PHEX: variants seen among roughly 807,000 people sequenced by gnomAD.
PHEX encodes phosphate regulating endopeptidase X-linked.
A neutral mutation model predicts 68.0 loss-of-function variants in PHEX; 16 were observed. The ratio of observed to expected loss-of-function variants is 0.24; its 90% CI spans 0.16 to 0.36. The LOEUF (loss-of-function observed/expected upper bound fraction) is 0.36. Among genes scored for constraint, PHEX ranks in the 10% least tolerant of loss-of-function variants. The pLI, the probability that PHEX is intolerant of heterozygous loss-of-function variation, is 1.00. For synonymous variants in PHEX, 208 were observed against 205.1 expected (o/e 1.01, Z -0.12); for missense variants, 480 against 575.5 (o/e 0.83, Z 1.70).
intron 9 of PHEX, among the ~76,000 whole-genome samples, chrX:22,107,211 G>A (rs1930738166): frequency 8.9e-6 from 1 of 112,027 alleles, no homozygotes; most frequent in Admixed American, 9.5e-5. Flanking sequence ...CAGGGGAGCT[G>A]GAAGGGCCCC....
intron 11 of PHEX, among the ~76,000 whole-genome samples, chrX:22,122,289 G>C (rs981099127): frequency 4.5e-5 from 5 of 110,884 alleles, no homozygotes; most frequent in Non-Finnish European, 9.4e-5. Context: ...ATTCTCTTTG[G>C]CTACTAAATG....
At chrX:22,242,020 A>T (rs1254365148) in intron 20 of PHEX, among the ~76,000 whole-genome samples, 1 of 111,888 alleles carries the variant, frequency 8.9e-6, no homozygotes, top group Non-Finnish European at 1.9e-5. Context: ...TCAAGGCAAA[A>T]ATCCTCAGTA....
intron 20 of PHEX, among the ~76,000 whole-genome samples, chrX:22,241,804 T>C (rs1936207928): frequency 9.0e-6 from 1 of 111,153 alleles, no homozygotes; most frequent in South Asian, 3.8e-4. Flanking sequence ...CAAAAAAAAG[T>C]TGTTGAGGAC....
At chrX:22,110,829 G>A (rs1258560899) in intron 9 of PHEX, among the ~76,000 whole-genome samples, 1 of 112,402 alleles carries the variant, frequency 8.9e-6, no homozygotes, top group Non-Finnish European at 1.9e-5. Flanking sequence ...TGCAGGTGCT[G>A]GAGCCTATCT....
chrX:22,052,901 G>C (rs971840939), intron 3 of PHEX, among the ~76,000 whole-genome samples: 1 of 110,764 alleles, frequency 9.0e-6, no homozygotes, highest in African/African-American at 3.3e-5. Flanking sequence ...CCATTATCCA[G>C]TTAACCTACA....
intron 12 of PHEX, among the ~76,000 whole-genome samples, chrX:22,149,724 A>C (rs1000002506): frequency 1.8e-5 from 2 of 113,022 alleles, no homozygotes; most frequent in African/African-American, 6.4e-5. Context: ...ATTGCACTCC[A>C]GCCTGGGCGA....
chrX:22,194,742 C>T (rs959084797), intron 15 of PHEX, among the ~76,000 whole-genome samples: 3 of 111,910 alleles, frequency 2.7e-5, no homozygotes, highest in African/African-American at 9.7e-5. Context: ...GATTTGTGGC[C>T]ATCTTTCAAT....
At chrX:22,046,819 G>C (rs748696296) in intron 2 of PHEX, among the ~76,000 whole-genome samples, 2 of 110,771 alleles carry the variant, frequency 1.8e-5, no homozygotes, top group African/African-American at 6.6e-5. Context: ...CACCTGCCTC[G>C]GCCTCCTAAA....
At chrX:22,161,313 C>T (rs966675486) in intron 12 of PHEX, among the ~76,000 whole-genome samples, 3 of 112,070 alleles carry the variant, frequency 2.7e-5, no homozygotes, top group African/African-American at 6.5e-5. Flanking sequence ...GTGATCCCAG[C>T]TACTTGGTAG....
chrX:22,243,728 T>A (rs960208649), intron 20 of PHEX, among the ~76,000 whole-genome samples: 1 of 112,246 alleles, frequency 8.9e-6, no homozygotes, highest in Non-Finnish European at 1.9e-5. Flanking sequence ...AAAACCACTA[T>A]GAGATACCAT....
intron 9 of PHEX, among the ~76,000 whole-genome samples, chrX:22,104,021 C>T (rs1930551601): frequency 1.8e-5 from 2 of 111,934 alleles, no homozygotes; most frequent in Non-Finnish European, 3.8e-5. Flanking sequence ...GGTGGTATCT[C>T]ATTGTGGTTT....
chrX:22,187,381 C>T, intron 14 of PHEX, among the ~76,000 whole-genome samples: 1 of 111,714 alleles, frequency 9.0e-6, no homozygotes, highest in South Asian at 3.7e-4. Context: ...GCCCATTGCC[C>T]CTACATCTTA....
At chrX:22,121,281 G>A (rs924409918) in intron 11 of PHEX, among the ~76,000 whole-genome samples, 2 of 112,033 alleles carry the variant, frequency 1.8e-5, no homozygotes, top group East Asian at 5.6e-4. Context: ...GAGAATGAGG[G>A]GGTCAGTGGA....
chrX:22,071,440 A>G (rs772483973), intron 3 of PHEX, among the ~76,000 whole-genome samples: 59 of 111,708 alleles, frequency 5.3e-4, no homozygotes, highest in Non-Finnish European at 9.8e-4. Context: ...CAATTGGATG[A>G]AAGTCTCTCT....
At chrX:22,231,743 AAGGGTTTTTTGT>A (rs1232746357) in intron 20 of PHEX, among the ~76,000 whole-genome samples, 1 of 111,034 alleles carries the variant, frequency 9.0e-6, no homozygotes, top group Non-Finnish European at 1.9e-5. Context: ...TGATTTTTTG[AAGGGTTTTTTGT>A]GTCTCTATCT....
At chrX:22,227,360 C>G (rs146759532) in intron 19 of PHEX, 147 bp from the exon 20 acceptor site, 15 of 503,353 alleles carry the variant, frequency 3.0e-5, no homozygotes, top group South Asian at 2.8e-4. Context: ...TGGTAAGCAA[C>G]AGGACATGGA....
chrX:22,156,913 C>A (rs932949342), intron 12 of PHEX, among the ~76,000 whole-genome samples: 4 of 110,282 alleles, frequency 3.6e-5, no homozygotes, highest in Non-Finnish European at 7.6e-5. Flanking sequence ...GACAGGGTCT[C>A]ACTCTGTTGC....
At position 22,087,537 on chromosome X, in the gene PHEX, G is replaced by T. The variant is rs144136448; in HGVS notation, c.664-2892G>T. Among the ~76,000 whole-genome samples, 660 of 111,378 alleles carry T rather than the reference G, an allele frequency of 5.9e-3. 3 individuals carry two copies. The highest frequency in any genetic ancestry group is 0.02 in the African/African-American group (617 of 30,678). ...TCATAATATCACTAATTCTTAACGT[G>T]GCCTTTGTAAAATTTGTTGTATATT... On this transcript the variant is annotated intron_variant, in intron 5 of 21. Coordinates refer to ENST00000379374, the MANE Select transcript of PHEX (RefSeq NM_000444.6).
chrX:22,205,631 A>T (rs1170994470), intron 15 of PHEX, among the ~76,000 whole-genome samples: 1 of 102,883 alleles, frequency 9.7e-6, no homozygotes, highest in African/African-American at 3.8e-5. Flanking sequence ...TTAACACATC[A>T]ATATTAAAAA....
Sources: allele counts gnomAD v4.1 joint callset (sites outside exome capture counted in the v4.1 genomes callset), GRCh38; gene constraint gnomAD v4.1.1; transcripts MANE v1.5; gene names NCBI Gene and HGNC (gene_info 2026-07-23, HGNC 2026-07-21).